Variants in UBE3C observed in about 807,000 individuals in gnomAD.
The protein encoded by UBE3C is ubiquitin protein ligase E3C.
A neutral mutation model predicts 129.4 loss-of-function variants in UBE3C; 42 were observed. The ratio of observed to expected loss-of-function variants is 0.32; its 90% CI spans 0.25 to 0.42. The LOEUF is 0.42. UBE3C is among the 10% of genes least tolerant of loss of function. UBE3C has a pLI of 1.00. For synonymous variants in UBE3C, 510 were observed against 492.4 expected, an observed-to-expected ratio of 1.04 and a Z score of -0.47; for missense variants, 1,049 against 1,319.1, an observed-to-expected ratio of 0.80 and a Z score of 3.17.
At chr7:157,253,088 C>T (rs1563075893) in intron 19 of UBE3C, among the ~76,000 whole-genome samples, 2 of 152,102 alleles carry the variant, frequency 1.3e-5, no homozygotes, top group Admixed American at 1.3e-4. Flanking sequence ...TTAAAATACA[C>T]TCTTTATAAA....
rs147932565 is a variant in UBE3C, at chr7:157,152,537, C to T, written c.67-11273C>T. Among the ~76,000 whole-genome samples, 142 of 152,216 alleles carry T rather than the reference C, an allele frequency of 9.3e-4. 1 individual carries two copies. Among genetic ancestry groups the T allele is most frequent in the Admixed American group, 1.8e-3 (28 of 15,284 alleles). On this transcript the variant is annotated intron_variant, in intron 1 of 22. Transcript: ENST00000348165. ...CTTGTTTGTCACATGCAGATCCTTG[C>T]GCTCCTCACTATTTGTTCTCCTGCA...
chr7:157,252,897 T>C (rs1271021316), intron 19 of UBE3C, among the ~76,000 whole-genome samples: 2 of 152,216 alleles, frequency 1.3e-5, no homozygotes, highest in Admixed American at 1.3e-4. Flanking sequence ...TTGGGGTGTT[T>C]TTGTTGTTTT....
At chr7:157,201,955 C>A in intron 11 of UBE3C, 148 bp downstream of exon 11, 1 of 634,330 alleles carries the variant, frequency 1.6e-6, no homozygotes, top group Non-Finnish European at 2.7e-6. Flanking sequence ...CTCAGTTGCA[C>A]AAAAAGAAAA....
intron 13 of UBE3C, among the ~76,000 whole-genome samples, chr7:157,212,335 A>G (rs1207868517): frequency 6.6e-6 from 1 of 152,212 alleles, no homozygotes; most frequent in Non-Finnish European, 1.5e-5. Context: ...CAAAACTTGG[A>G]CTATATGTAC....
In UBE3C at chr7:157,166,017, G is replaced by A. The variant is rs186199971; in HGVS notation, c.120+2154G>A. On this transcript the variant is annotated intron_variant, in intron 2 of 22. Transcript: ENST00000348165. ...TTGCTTGGAGATCGTTGAGTCTGCT[G>A]TATGTAGGTGTCTAAATCTCTTGTG... is the stretch of plus-strand genomic sequence containing the variant. Among the ~76,000 whole-genome samples, 321 of 152,302 alleles carry A rather than the reference G, an allele frequency of 2.1e-3. 2 individuals carry two copies. Among genetic ancestry groups the A allele is most frequent in the Non-Finnish European group, 2.5e-3 (171 of 68,028 alleles).
intron 10 of UBE3C, among the ~76,000 whole-genome samples, chr7:157,195,378 A>T (rs1809089089): frequency 6.6e-6 from 1 of 152,218 alleles, no homozygotes; most frequent in South Asian, 2.1e-4. Context: ...GCTGATACTC[A>T]GCTGCAAACA....
At chr7:157,183,242 C>G (rs1808715758) in intron 8 of UBE3C, among the ~76,000 whole-genome samples, 1 of 152,340 alleles carries the variant, frequency 6.6e-6, no homozygotes, top group East Asian at 1.9e-4. Flanking sequence ...TGCAAGACTA[C>G]ACCCACTTCA....
chr7:157,175,105 CTTTTAT>C (rs1808480639), intron 5 of UBE3C, 71 bp downstream of exon 5: 1 of 637,576 alleles, frequency 1.6e-6, no homozygotes, highest in Non-Finnish European at 2.2e-6. Flanking sequence ...CACCTTTTGA[CTTTTAT>C]TTTCAGAGAC....
rs201881680 is a variant in UBE3C, at chr7:157,260,719, G to GA, written c.3081+3676dup. Among the ~76,000 whole-genome samples, 14 of 152,278 alleles carry GA rather than the reference G, an allele frequency of 9.2e-5. No homozygotes were observed. In the East Asian group the frequency reaches 2.5e-3, roughly 27 times the overall value. On this transcript the variant is annotated intron_variant, in intron 22 of 22. Transcript: ENST00000348165. ...ATCTAGTTTCATAAAAGGAAGTTTG[G>GA]AGGACCTGCTCCCATCAAAACACTG...
chr7:157,163,819 G>C lies in UBE3C; in HGVS notation c.76G>C (p.Ala26Pro), dbSNP rs768076276. The C allele has an allele frequency of 6.2e-6, 10 of 1,613,358 alleles. No individual in the cohort carries two copies. The highest frequency in any genetic ancestry group is 1.1e-5 in the South Asian group (1 of 91,000). ...CTCTGTTTGGGTGTAGGAGGAAAAG[G>C]CTTCTCTTTTACATCGTACTCAGGA... ...LGGASRKEEK[A>P]SLLHRTQEER... The change falls in exon 2 of 23, where the codon GCT (alanine) becomes CCT (proline). Residue 26 changes from alanine (A) to proline (P), a missense_variant. By Grantham distance (27) the Ala-to-Pro change is conservative (BLOSUM62 -1). Around this residue, in one of 4 missense-constraint regions of UBE3C, gnomAD observed 489 missense variants for 513.8 expected, o/e 0.95. Coordinates refer to ENST00000348165, the MANE Select transcript of UBE3C (RefSeq NM_014671.3).
At chr7:157,152,835 T>G (rs1004956875) in intron 1 of UBE3C, among the ~76,000 whole-genome samples, 3 of 152,200 alleles carry the variant, frequency 2.0e-5, no homozygotes, top group African/African-American at 4.8e-5. Flanking sequence ...CTGCAGGCAC[T>G]GAGAAGGTGG....
chr7:157,199,616 G>A (rs1186452445), intron 10 of UBE3C, among the ~76,000 whole-genome samples: 16 of 151,936 alleles, frequency 1.1e-4, no homozygotes, highest in Admixed American at 2.6e-4. Flanking sequence ...GATTACAGGC[G>A]CCTGCCACCA....
At chr7:157,165,659 A>C (rs919489307) in intron 2 of UBE3C, among the ~76,000 whole-genome samples, 2 of 152,196 alleles carry the variant, frequency 1.3e-5, no homozygotes, top group East Asian at 3.8e-4. Context: ...TCAGCTTCCC[A>C]AAGTGCTGGG....
intron 1 of UBE3C, among the ~76,000 whole-genome samples, chr7:157,154,479 A>G (rs183191451): frequency 4.6e-5 from 7 of 152,272 alleles, no homozygotes; most frequent in Non-Finnish European, 1.0e-4. Context: ...ATGAGAGATC[A>G]TATTGCTTTT....
intron 22 of UBE3C, 95 bp from the exon 23 acceptor site, chr7:157,267,490 C>A: frequency 1.4e-6 from 2 of 1,419,508 alleles, no homozygotes; most frequent in Non-Finnish European, 1.9e-6. Flanking sequence ...GGTAACTTTA[C>A]TGATTGGAGC....
chr7:157,192,605 G>A (rs1809000890), intron 10 of UBE3C: 3 of 765,310 alleles, frequency 3.9e-6, no homozygotes, highest in Non-Finnish European at 7.2e-6. Flanking sequence ...CTAAGAAAAG[G>A]AAGGAGTCTT....
chr7:157,240,815 C>T (rs938166869), intron 18 of UBE3C, among the ~76,000 whole-genome samples: 4 of 152,084 alleles, frequency 2.6e-5, no homozygotes, highest in Non-Finnish European at 4.4e-5. Flanking sequence ...GGTAATGCCA[C>T]TTGGAGGACA....
chr7:157,147,367 C>G (rs1001713818), intron 1 of UBE3C, among the ~76,000 whole-genome samples: 2 of 152,198 alleles, frequency 1.3e-5, no homozygotes, highest in Non-Finnish European at 2.9e-5. Context: ...CTTTCATGTA[C>G]TAACCTTATG....
chr7:157,265,691 G>T (rs971432062), intron 22 of UBE3C, among the ~76,000 whole-genome samples: 3 of 152,198 alleles, frequency 2.0e-5, no homozygotes, highest in Admixed American at 2.0e-4. Context: ...TGTGTCCAAT[G>T]TGCTCACCGT....
Sources: allele counts gnomAD v4.1 joint callset (sites outside exome capture counted in the v4.1 genomes callset), GRCh38; gene constraint gnomAD v4.1.1; regional missense constraint gnomAD v4.1.1; transcripts MANE v1.5; gene names NCBI Gene and HGNC (gene_info 2026-07-23, HGNC 2026-07-21).